The following TWIST2 variants were observed in gnomAD, a reference collection of about 807,000 sequenced individuals.
The protein encoded by TWIST2 is twist-related protein 2.
In TWIST2, 1 loss-of-function variant was observed where a neutral mutation model predicts 11.6. That is an observed-to-expected ratio of 0.09 (90% CI 0.03 to 0.41). The LOEUF is 0.41. Ranked by LOEUF, TWIST2 falls within the 10% of genes least tolerant of loss-of-function variation. TWIST2 has a pLI of 0.98. For missense variants in TWIST2, 168 were observed against 226.4 expected (o/e 0.74, Z 1.66); for synonymous variants, 87 against 96.6 (o/e 0.90, Z 0.58).
At chr2:238,899,516 G>A (rs1020693901) in intron 1 of TWIST2, among the ~76,000 whole-genome samples, 24 of 152,252 alleles carry the variant, frequency 1.6e-4, no homozygotes, top group African/African-American at 4.6e-4. Flanking sequence ...CCAAGGCTGC[G>A]CCACAGAGAG....
At chr2:238,905,877 G>A (rs1693335826) in intron 1 of TWIST2, among the ~76,000 whole-genome samples, 1 of 150,094 alleles carries the variant, frequency 6.7e-6, no homozygotes, top group African/African-American at 2.5e-5. Flanking sequence ...GTGCGTGTGT[G>A]TGCATGTGCG....
chr2:238,874,874 G>A (rs1203554307), intron 1 of TWIST2, among the ~76,000 whole-genome samples: 2 of 152,126 alleles, frequency 1.3e-5, no homozygotes, highest in African/African-American at 4.8e-5. Flanking sequence ...GAGTTCTCGG[G>A]TGAGGTTCTA....
intron 1 of TWIST2, among the ~76,000 whole-genome samples, chr2:238,888,014 G>A (rs1188526793): frequency 1.3e-5 from 2 of 152,220 alleles, no homozygotes; most frequent in Non-Finnish European, 2.9e-5. Context: ...TGTGAAACGG[G>A]TGGGCCATTT....
In TWIST2 at chr2:238,863,271, G is replaced by A. The variant is rs1246105135; in HGVS notation, c.*35+14538G>A. Reference sequence around the variant, plus strand: ...GCCCTCACCGCAACCCCCACTCGGTGTTAGGACTTAGGTACTTGCTGAAGT... The same window carrying A: ...GCCCTCACCGCAACCCCCACTCGGTATTAGGACTTAGGTACTTGCTGAAGT... On this transcript the variant is annotated intron_variant, in intron 1 of 1. Transcript: ENST00000612363. This position sits in a 1 kb window ranked among gnomAD's most constrained non-coding sequence, Gnocchi z 4.7. Among the ~76,000 whole-genome samples, 4 of 152,280 alleles carry A rather than the reference G, an allele frequency of 2.6e-5. No homozygotes were observed. Among genetic ancestry groups the A allele is most frequent in the Admixed American group, 6.5e-5 (1 of 15,308 alleles).
chr2:238,853,629 G>A (rs902650791), intron 1 of TWIST2, among the ~76,000 whole-genome samples: 2 of 152,116 alleles, frequency 1.3e-5, no homozygotes, highest in African/African-American at 4.8e-5. Flanking sequence ...AAATGAGGGC[G>A]GTAGCATTAA....
At chr2:238,849,780 A>G (rs1692211987) in intron 1 of TWIST2, among the ~76,000 whole-genome samples, 2 of 152,202 alleles carry the variant, frequency 1.3e-5, no homozygotes, top group Non-Finnish European at 2.9e-5. Flanking sequence ...CCTTTAGACA[A>G]GCTCGAGCCA....
chr2:238,848,943 G>T (rs962322001), intron 1 of TWIST2, among the ~76,000 whole-genome samples: 2 of 152,242 alleles, frequency 1.3e-5, no homozygotes, highest in Middle Eastern at 6.8e-3. Flanking sequence ...TCCACGCGAG[G>T]GTGTCAGTTG....
At chr2:238,860,305 G>A (rs570846170) in intron 1 of TWIST2, among the ~76,000 whole-genome samples, 19 of 152,266 alleles carry the variant, frequency 1.2e-4, no homozygotes, top group East Asian at 3.9e-4. Context: ...GTTTTCCTTC[G>A]GTTGCTCATT....
chr2:238,895,637 C>G (rs944114848), intron 1 of TWIST2, among the ~76,000 whole-genome samples: 65 of 152,320 alleles, frequency 4.3e-4, no homozygotes, highest in African/African-American at 1.6e-3. Flanking sequence ...CTTTGCAGTG[C>G]TCCCAGGACA....
intron 1 of TWIST2, among the ~76,000 whole-genome samples, chr2:238,872,459 T>G (rs181131335): frequency 1.0e-3 from 159 of 152,260 alleles, no homozygotes; most frequent in African/African-American, 2.7e-3. Flanking sequence ...CTTGTAAAAA[T>G]TGGGTCCTGT....
intron 1 of TWIST2, among the ~76,000 whole-genome samples, chr2:238,906,789 G>A (rs1158357850): frequency 1.3e-5 from 2 of 152,168 alleles, no homozygotes; most frequent in Non-Finnish European, 2.9e-5. Context: ...CTCTCCTGGC[G>A]GCCGCCTTGG....
intron 1 of TWIST2, among the ~76,000 whole-genome samples, chr2:238,907,383 C>T (rs1281345864): frequency 2.6e-5 from 4 of 152,178 alleles, no homozygotes; most frequent in South Asian, 4.1e-4. Flanking sequence ...GTCCCCACCC[C>T]GGCTTCCTGG....
chr2:238,902,516 TGTA>T (rs1330161973), intron 1 of TWIST2, among the ~76,000 whole-genome samples: 2 of 132,700 alleles, frequency 1.5e-5, no homozygotes, highest in Non-Finnish European at 3.2e-5. Context: ...TAGGTGTGGA[TGTA>T]GTATGGGGTG....
intron 1 of TWIST2, among the ~76,000 whole-genome samples, chr2:238,908,006 T>C (rs1476037275): frequency 2.1e-5 from 3 of 142,972 alleles, no homozygotes; most frequent in Admixed American, 1.4e-4. Flanking sequence ...ACGCACCACA[T>C]ACACAAACAC....
chr2:238,908,299 A>G (rs1474409778), intron 1 of TWIST2, among the ~76,000 whole-genome samples: 1 of 146,448 alleles, frequency 6.8e-6, no homozygotes, highest in African/African-American at 2.5e-5. Flanking sequence ...CACACACTTC[A>G]CACTGTACAT....
intron 1 of TWIST2, among the ~76,000 whole-genome samples, chr2:238,898,365 C>T (rs1305896342): frequency 6.6e-6 from 1 of 152,200 alleles, no homozygotes; most frequent in Non-Finnish European, 1.5e-5. Context: ...GAGATTTTGT[C>T]AAAGCGCAGA....
chr2:238,874,390 A>T (rs1190258346), intron 1 of TWIST2, among the ~76,000 whole-genome samples: 2 of 152,184 alleles, frequency 1.3e-5, no homozygotes, highest in East Asian at 3.8e-4. Flanking sequence ...CGTGTCTTAA[A>T]ATGTCCAATT....
intron 1 of TWIST2, among the ~76,000 whole-genome samples, chr2:238,884,766 G>A (rs898929887): frequency 8.5e-5 from 13 of 152,202 alleles, no homozygotes; most frequent in African/African-American, 2.9e-4. Flanking sequence ...CAGGCCTCCC[G>A]CAGGTCAGGA....
chr2:238,848,572 G>A lies in TWIST2; in HGVS notation c.357G>A (p.Gln119=). The A allele has an allele frequency of 6.3e-7, 1 of 1,582,950 alleles. No individual in the cohort carries two copies. Among genetic ancestry groups the A allele is most frequent in the Non-Finnish European group, 8.6e-7 (1 of 1,167,786 alleles). Residue 119 remains glutamine (Q), a synonymous_variant, in exon 1 of 2, where the codon CAG becomes CAA. Transcript: ENST00000612363. The part of the protein sequence containing the change: ...LAARYIDFLY[Q]VLQSDEMDNK... ...CCAGGTACATAGACTTCCTCTACCA[G>A]GTCCTGCAGAGCGACGAGATGGACA...
Sources: gnomAD v4.1 joint callset for allele counts (sites outside exome capture counted in the v4.1 genomes callset) on GRCh38, gnomAD v4.1.1 for gene constraint, Gnocchi (gnomAD v3.1) non-coding constraint, MANE v1.5 for transcripts, NCBI Gene and HGNC (gene_info 2026-07-23, HGNC 2026-07-21) for gene names.